Variants in PRIMA1 observed in about 807,000 individuals in gnomAD.
PRIMA1 encodes proline-rich membrane anchor 1.
A neutral mutation model predicts 17.5 loss-of-function variants in PRIMA1; 7 were observed. The observed-to-expected ratio is 0.40, with a 90% CI of 0.23 to 0.75. PRIMA1 has a LOEUF of 0.75. PRIMA1 is among the 30% of genes least tolerant of loss of function. The pLI is 0.37. For missense variants in PRIMA1, 200 were observed against 201.8 expected, an observed-to-expected ratio of 0.99 and a Z score of 0.05; for synonymous variants, 97 against 77.9, an observed-to-expected ratio of 1.25 and a Z score of -1.29.
intron 3 of PRIMA1, among the ~76,000 whole-genome samples, chr14:93,769,269 G>A (rs923535413): frequency 1.3e-5 from 2 of 152,224 alleles, no homozygotes; most frequent in Non-Finnish European, 2.9e-5. Context: ...CCAGGGCTGG[G>A]CCAGGACCTC....
At position 93,737,279 on chromosome 14, in the gene PRIMA1, C is replaced by G; in HGVS notation, c.321G>C (p.Leu107=). 1 of 1,614,172 alleles carries G rather than the reference C, an allele frequency of 6.2e-7. No individual in the cohort carries two copies. Among genetic ancestry groups the G allele is most frequent in the South Asian group, 1.1e-5 (1 of 91,084 alleles). The change falls in exon 4 of 5, where the codon CTG becomes CTC. Residue 107 remains leucine (L), a synonymous_variant. Coordinates refer to ENST00000393140, the MANE Select transcript of PRIMA1 (RefSeq NM_178013.4). ...IAVCCASLVF[L]TVLVIICYKA... is the part of the protein sequence containing the mutation. ...TGTAGCAAATGATGACAAGCACAGT[C>G]AGAAACACCAGGGAGGCACAGCATA...
chr14:93,747,972 T>G (rs2141169840), intron 3 of PRIMA1, among the ~76,000 whole-genome samples: 1 of 148,496 alleles, frequency 6.7e-6, no homozygotes, highest in South Asian at 2.1e-4. Context: ...TATAAGTGTG[T>G]GAGTATGAGT....
chr14:93,744,046 A>T (rs767832801), intron 3 of PRIMA1, among the ~76,000 whole-genome samples: 9 of 152,254 alleles, frequency 5.9e-5, no homozygotes, highest in African/African-American at 9.6e-5. Flanking sequence ...TGTGTGATGC[A>T]GAGTCTGTTT....
At position 93,737,258 on chromosome 14, in the gene PRIMA1, G is replaced by A; in HGVS notation, c.342C>T (p.Cys114=). The change falls in exon 4 of 5, where the codon TGC becomes TGT. Residue 114 remains cysteine (C), a synonymous_variant. Coordinates refer to ENST00000393140, the MANE Select transcript of PRIMA1 (RefSeq NM_178013.4). The part of the protein sequence containing the change: ...LVFLTVLVII[C]YKAIKRKPLR... Reference sequence around the variant, plus strand: ...GCACTCACCTTTTTATGGCTTTGTAGCAAATGATGACAAGCACAGTCAGAA... The same window carrying A: ...GCACTCACCTTTTTATGGCTTTGTAACAAATGATGACAAGCACAGTCAGAA... The A allele has an allele frequency of 6.2e-7, 1 of 1,614,148 alleles. No individual in the cohort carries two copies. The highest frequency in any genetic ancestry group is 8.5e-7 in the Non-Finnish European group (1 of 1,180,028).
At chr14:93,778,495 T>C (rs533283340) in intron 3 of PRIMA1, among the ~76,000 whole-genome samples, 3 of 152,310 alleles carry the variant, frequency 2.0e-5, no homozygotes, top group Admixed American at 6.5e-5. Context: ...GATACCGACA[T>C]GATCACGGGC....
chr14:93,771,574 C>A (rs746597183), intron 3 of PRIMA1, among the ~76,000 whole-genome samples: 1 of 152,176 alleles, frequency 6.6e-6, no homozygotes, highest in Non-Finnish European at 1.5e-5. Context: ...AAGCAGGGAC[C>A]TCCAGGTGGA....
At chr14:93,747,665 AGT>A (rs766536508) in intron 3 of PRIMA1, among the ~76,000 whole-genome samples, 104 of 145,632 alleles carry the variant, frequency 7.1e-4, no homozygotes, top group Middle Eastern at 4.0e-3. Flanking sequence ...AGTGTGTGAG[AGT>A]GAGTGTGTGA....
At chr14:93,739,980 C>A (rs1236735544) in intron 3 of PRIMA1, among the ~76,000 whole-genome samples, 1 of 151,910 alleles carries the variant, frequency 6.6e-6, no homozygotes, top group African/African-American at 2.4e-5. Flanking sequence ...GCAGAAGAAT[C>A]GCTTGAACCG....
chr14:93,778,444 T>G (rs922463080), intron 3 of PRIMA1, among the ~76,000 whole-genome samples: 3 of 152,192 alleles, frequency 2.0e-5, no homozygotes, highest in African/African-American at 7.2e-5. Flanking sequence ...TTATTGAAAA[T>G]ACATCCCAAA....
At chr14:93,759,511 G>A (rs1029893168) in intron 3 of PRIMA1, among the ~76,000 whole-genome samples, 2 of 152,104 alleles carry the variant, frequency 1.3e-5, no homozygotes, top group African/African-American at 4.8e-5. Flanking sequence ...GCGTGTGCAT[G>A]TGTGTGTGCG....
chr14:93,787,529 G>A, intron 2 of PRIMA1, 97 bp downstream of exon 2: 1 of 1,495,678 alleles, frequency 6.7e-7, no homozygotes, highest in Admixed American at 2.0e-5. Context: ...ACCAATCAGT[G>A]GGGTGGCTGC....
chr14:93,780,866 ACCT>A (rs1235339409), intron 2 of PRIMA1, among the ~76,000 whole-genome samples: 1 of 151,686 alleles, frequency 6.6e-6, no homozygotes, highest in Admixed American at 6.6e-5. Context: ...GTCACCCTCC[ACCT>A]CCTCGACAGC....
chr14:93,779,218 G>C lies in PRIMA1; in HGVS notation c.187C>G (p.Pro63Ala). 7.7e-7 allele frequency: 1 copy of C among 1,293,974 alleles called. No individual in the cohort carries two copies. Among genetic ancestry groups the C allele is most frequent in the Non-Finnish European group, 1.0e-6 (1 of 971,336 alleles). 80.2% of individuals were successfully genotyped at this position (1,293,974 alleles called of 1,614,324 possible). The change falls in exon 3 of 5, where the codon CCG (proline) becomes GCG (alanine). Residue 63 changes from proline to alanine, a missense_variant. Transcript: ENST00000393140. Reference sequence around the variant, plus strand: ...CTGGGAGGTGGCGGGGGTGGGGGCGGCGGGGGCAGCGGGGGAGGGGGCCGG... The same window carrying C: ...CTGGGAGGTGGCGGGGGTGGGGGCGCCGGGGGCAGCGGGGGAGGGGGCCGG... ...QCRPPPPLPP[P>A]PPPPPPPRLL...
intron 4 of PRIMA1, among the ~76,000 whole-genome samples, chr14:93,722,715 C>T (rs140826223): frequency 0.013 from 30 of 2,244 alleles, no homozygotes; most frequent in South Asian, 0.027. Flanking sequence ...TGGTGGTTAG[C>T]GTAATGGTTG....
intron 3 of PRIMA1, among the ~76,000 whole-genome samples, chr14:93,774,064 C>T (rs904386370): frequency 1.4e-4 from 22 of 152,098 alleles, no homozygotes; most frequent in African/African-American, 5.1e-4. Flanking sequence ...CGCACTTCAG[C>T]CTGGGCGACA....
At position 93,747,610 on chromosome 14, in the gene PRIMA1, AGAGT is replaced by A. The variant is rs1477860424; in HGVS notation, c.230-10244_230-10241del. 4.1e-5 allele frequency among the ~76,000 whole-genome samples: 6 copies of A among 146,404 alleles called. No homozygotes were observed. The South Asian group carries it at 1.1e-3, about 28-fold the overall frequency. On this transcript the variant is annotated intron_variant, in intron 3 of 4. Transcript: ENST00000393140. ...TGGGAGTATTGTGTATGAGTGTGTG[AGAGT>A]GTGTGGGGGAGTGTGTGAGTGCATG...
chr14:93,760,843 C>T (rs1007116893), intron 3 of PRIMA1, among the ~76,000 whole-genome samples: 2 of 151,832 alleles, frequency 1.3e-5, no homozygotes, highest in African/African-American at 4.8e-5. Context: ...ACCTCTCTCC[C>T]CCTCCATTGC....
At chr14:93,743,033 T>C (rs958884290) in intron 3 of PRIMA1, among the ~76,000 whole-genome samples, 4 of 152,034 alleles carry the variant, frequency 2.6e-5, no homozygotes, top group Admixed American at 2.0e-4. Flanking sequence ...AGATAGCGAG[T>C]AGGTTGGAAA....
At chr14:93,779,407 G>C in intron 2 of PRIMA1, 96 bp from the exon 3 acceptor site, 1 of 1,071,762 alleles carries the variant, frequency 9.3e-7, no homozygotes, top group Non-Finnish European at 1.3e-6. Context: ...CTGCCAGGCT[G>C]GGACTTGGGA....
Sources: gnomAD v4.1 joint callset for allele counts (sites outside exome capture counted in the v4.1 genomes callset) on GRCh38, gnomAD v4.1.1 for gene constraint, MANE v1.5 for transcripts, NCBI Gene and HGNC (gene_info 2026-07-23, HGNC 2026-07-21) for gene names.